MCC: variants seen among roughly 807,000 people sequenced by gnomAD.
The protein encoded by MCC is colorectal mutant cancer protein.
A neutral mutation model predicts 116.2 loss-of-function variants in MCC; 90 were observed. That is an observed-to-expected ratio of 0.77 (90% CI 0.65 to 0.92). The LOEUF (loss-of-function observed/expected upper bound fraction) is 0.92, where lower values mean the gene tolerates loss of function less well. Among genes scored for constraint, MCC ranks in the 40% least tolerant of loss-of-function variants. The pLI is 0.00. For missense variants in MCC, 1,516 were observed against 1,312.2 expected (o/e 1.16, Z -2.40); for synonymous variants, 578 against 510.5 (o/e 1.13, Z -1.78).
intron 2 of MCC, among the ~76,000 whole-genome samples, chr5:113,363,689 C>T (rs1450871402): frequency 6.6e-6 from 1 of 152,162 alleles, no homozygotes; most frequent in African/African-American, 2.4e-5. Context: ...CCCTATCGTT[C>T]CACCTCTGGA....
intron 6 of MCC, among the ~76,000 whole-genome samples, chr5:113,107,244 G>A (rs1390627405): frequency 7.2e-5 from 10 of 139,854 alleles, no homozygotes; most frequent in African/African-American, 2.4e-4. Flanking sequence ...TTGAGATGGA[G>A]TCTCGCTCTG....
chr5:113,391,772 T>C (rs1224171958), intron 1 of MCC, among the ~76,000 whole-genome samples: 1 of 151,866 alleles, frequency 6.6e-6, no homozygotes. Context: ...AGCATATTTT[T>C]CCGTGTTACG....
At chr5:113,131,665 C>A (rs1446660198) in intron 5 of MCC, among the ~76,000 whole-genome samples, 4 of 152,012 alleles carry the variant, frequency 2.6e-5, no homozygotes, top group African/African-American at 4.8e-5. Context: ...GGCTGTGATC[C>A]CCTCAGAGAT....
chr5:113,182,737 G>T (rs1761693460), intron 3 of MCC, among the ~76,000 whole-genome samples: 1 of 152,208 alleles, frequency 6.6e-6, no homozygotes, highest in Non-Finnish European at 1.5e-5. Flanking sequence ...ACCTGTTGGT[G>T]AACTTCTATA....
chr5:113,097,759 G>A (rs563383363), intron 8 of MCC, among the ~76,000 whole-genome samples: 17 of 152,308 alleles, frequency 1.1e-4, no homozygotes, highest in African/African-American at 4.1e-4. Context: ...CTGGGCTCAA[G>A]CAATCCTCCT....
chr5:113,473,214 T>G (rs1772140862), intron 1 of MCC, among the ~76,000 whole-genome samples: 1 of 152,178 alleles, frequency 6.6e-6, no homozygotes, highest in Non-Finnish European at 1.5e-5. Flanking sequence ...CTAACTTTTA[T>G]GTACCTTGGA....
chr5:113,099,521 A>T (rs374236544), intron 8 of MCC, among the ~76,000 whole-genome samples: 2 of 152,270 alleles, frequency 1.3e-5, no homozygotes, highest in South Asian at 4.1e-4. Context: ...CGTGCCAGAC[A>T]TCGCCTAACC....
chr5:113,402,016 C>G (rs1055229925), intron 1 of MCC, among the ~76,000 whole-genome samples: 4 of 151,682 alleles, frequency 2.6e-5, no homozygotes, highest in African/African-American at 4.8e-5. Flanking sequence ...CACTCAGGGC[C>G]GGGCGCGGTG....
At chr5:113,354,845 C>A (rs1312772780) in intron 2 of MCC, among the ~76,000 whole-genome samples, 2 of 140,878 alleles carry the variant, frequency 1.4e-5, no homozygotes, top group African/African-American at 5.2e-5. Context: ...AGACCTTATT[C>A]TTGGCCTGTT....
intron 2 of MCC, among the ~76,000 whole-genome samples, chr5:113,362,520 T>C (rs2150385797): frequency 6.6e-6 from 1 of 152,318 alleles, no homozygotes; most frequent in South Asian, 2.1e-4. Context: ...TTTCTTTCTT[T>C]CTTTTTTTCT....
intron 2 of MCC, among the ~76,000 whole-genome samples, chr5:113,382,431 T>G (rs575474030): frequency 6.6e-6 from 1 of 152,180 alleles, no homozygotes; most frequent in Non-Finnish European, 1.5e-5. Context: ...CCACTGCACC[T>G]GGCTAACTTT....
At chr5:113,235,007 C>A (rs974496250) in intron 3 of MCC, among the ~76,000 whole-genome samples, 5 of 152,180 alleles carry the variant, frequency 3.3e-5, no homozygotes, top group Admixed American at 3.3e-4. Context: ...CAAGAGCATG[C>A]GATTACCAGT....
chr5:113,403,816 C>G (rs1175366891), intron 1 of MCC, among the ~76,000 whole-genome samples: 2 of 152,190 alleles, frequency 1.3e-5, no homozygotes, highest in African/African-American at 4.8e-5. Context: ...GTGATAGCTA[C>G]ATGACACCAC....
intron 3 of MCC, among the ~76,000 whole-genome samples, chr5:113,181,742 T>A (rs1581213649): frequency 6.6e-6 from 1 of 151,832 alleles, no homozygotes; most frequent in African/African-American, 2.4e-5. Flanking sequence ...GCCTGGAGAG[T>A]TCCCTTCTTC....
intron 5 of MCC, among the ~76,000 whole-genome samples, chr5:113,127,985 G>C (rs1168995316): frequency 6.6e-6 from 1 of 152,176 alleles, no homozygotes; most frequent in Non-Finnish European, 1.5e-5. Context: ...AGGGTCAACT[G>C]TAATGTCATG....
intron 3 of MCC, chr5:113,294,333 C>T (rs1766633460): frequency 1.9e-6 from 3 of 1,613,774 alleles, no homozygotes; most frequent in African/African-American, 1.3e-5. Flanking sequence ...TCTTACCTCA[C>T]TCAGCTCGGC....
At chr5:113,438,544 CATG>C (rs1770934405) in intron 1 of MCC, among the ~76,000 whole-genome samples, 1 of 152,168 alleles carries the variant, frequency 6.6e-6, no homozygotes, top group Non-Finnish European at 1.5e-5. Context: ...GAGGATTAGA[CATG>C]GTGATTCCTG....
intron 3 of MCC, among the ~76,000 whole-genome samples, chr5:113,253,046 T>C (rs1561487046): frequency 6.6e-6 from 1 of 152,166 alleles, no homozygotes; most frequent in African/African-American, 2.4e-5. Flanking sequence ...TTTTAAAATA[T>C]GTAATACCCC....
chr5:113,096,398 C>A (rs754312379), intron 8 of MCC, among the ~76,000 whole-genome samples: 6 of 152,212 alleles, frequency 3.9e-5, no homozygotes, highest in Admixed American at 2.0e-4. Flanking sequence ...GGGCACACAT[C>A]CTCTCAAAGA....
Sources: gnomAD v4.1 joint callset for allele counts (sites outside exome capture counted in the v4.1 genomes callset) on GRCh38, gnomAD v4.1.1 for gene constraint, MANE v1.5 for transcripts, NCBI Gene and HGNC (gene_info 2026-07-23, HGNC 2026-07-21) for gene names.